The following ADGRL2 variants were observed in gnomAD, a reference collection of about 807,000 sequenced individuals.
ADGRL2 encodes the protein adhesion G protein-coupled receptor L2, also known as calcium-independent alpha-latrotoxin receptor 2.
A neutral mutation model predicts 157.4 loss-of-function variants in ADGRL2; 44 were observed. The ratio of observed to expected loss-of-function variants is 0.28; its 90% CI spans 0.22 to 0.36. ADGRL2 has a LOEUF of 0.36. ADGRL2 is among the 10% of genes least tolerant of loss of function. ADGRL2 has a pLI of 1.00. For missense variants in ADGRL2, 1,510 were observed against 1,768.9 expected (o/e 0.85, Z 2.63); for synonymous variants, 585 against 624.7 (o/e 0.94, Z 0.95).
chr1:81,405,217 T>C (rs1034867220), intron 1 of ADGRL2, among the ~76,000 whole-genome samples: 8 of 152,122 alleles, frequency 5.3e-5, no homozygotes, highest in Middle Eastern at 3.2e-3. Flanking sequence ...TCAGGGAAAG[T>C]CAATTTTACT....
intron 16 of ADGRL2, among the ~76,000 whole-genome samples, chr1:81,971,440 C>T (rs1156455134): frequency 6.6e-6 from 1 of 152,014 alleles, no homozygotes; most frequent in Non-Finnish European, 1.5e-5. Flanking sequence ...CTGTTAGGTT[C>T]CATAGGGTTA....
chr1:81,416,525 G>T (rs1301112131), intron 1 of ADGRL2, among the ~76,000 whole-genome samples: 1 of 152,234 alleles, frequency 6.6e-6, no homozygotes, highest in Non-Finnish European at 1.5e-5. Context: ...ACATGTAGTA[G>T]ATTAAATAAT....
intron 8 of ADGRL2, among the ~76,000 whole-genome samples, chr1:81,951,472 A>G (rs79911714): frequency 0.08 from 12,243 of 152,226 alleles, 575 homozygotes; most frequent in African/African-American, 0.14. Flanking sequence ...TATATCACAC[A>G]TGATTATGGT....
chr1:81,991,121 A>C lies in ADGRL2; in HGVS notation c.4386A>C (p.Gln1462His). 1.2e-6 allele frequency: 2 copies of C among 1,607,240 alleles called. No homozygotes were observed. The highest frequency in any genetic ancestry group is 8.5e-7 in the Non-Finnish European group (1 of 1,175,380). ...CIPEGDVREG[Q>H]MQLVTSL Reference sequence around the variant, plus strand: ...CAGAAGGAGATGTTAGAGAAGGACAAATGCAGCTGGTTACAAGTCTTTAAT... The same window carrying C: ...CAGAAGGAGATGTTAGAGAAGGACACATGCAGCTGGTTACAAGTCTTTAAT... Residue 1462 changes from glutamine to histidine, a missense_variant, in exon 24 of 24, where the codon CAA (glutamine) becomes CAC (histidine). By Grantham distance (24) the Gln-to-His change is conservative (BLOSUM62 0). Around this residue, in one of 4 missense-constraint regions of ADGRL2, gnomAD observed 327 missense variants for 310.1 expected, o/e 1.05. Transcript: ENST00000686636.
rs558436131 is a variant in ADGRL2, at chr1:81,739,937, T to G, written c.-142-21874T>G. On this transcript the variant is annotated intron_variant, in intron 1 of 20. Transcript: ENST00000359929. ...ACATACATGCACAAACACATAAATA[T>G]ACAAATGTACATGCATTTCTGAAGT... 2.0e-5 allele frequency among the ~76,000 whole-genome samples: 3 copies of G among 152,282 alleles called. No individual in the cohort carries two copies. The South Asian group carries it at 6.2e-4, about 32-fold the overall frequency.
At chr1:81,866,823 C>G (rs1159036659) in intron 2 of ADGRL2, among the ~76,000 whole-genome samples, 1 of 152,104 alleles carries the variant, frequency 6.6e-6, no homozygotes, top group Non-Finnish European at 1.5e-5. Context: ...GTATATCTTA[C>G]CCCAAAGAAA....
At chr1:81,509,615 T>C (rs1422613689) in intron 2 of ADGRL2, among the ~76,000 whole-genome samples, 5 of 152,192 alleles carry the variant, frequency 3.3e-5, no homozygotes, top group Non-Finnish European at 7.4e-5. Flanking sequence ...TGTTAGAAAC[T>C]GTTAAAAACA....
chr1:81,693,627 G>C (rs2083386358), intron 3 of ADGRL2, among the ~76,000 whole-genome samples: 1 of 152,166 alleles, frequency 6.6e-6, no homozygotes, highest in African/African-American at 2.4e-5. Flanking sequence ...TTTTGAGGTA[G>C]TTCAGCATGA....
chr1:81,779,047 T>C (rs1165489246), intron 2 of ADGRL2, among the ~76,000 whole-genome samples: 1 of 152,230 alleles, frequency 6.6e-6, no homozygotes, highest in Non-Finnish European at 1.5e-5. Context: ...TTATTTTGTC[T>C]TTCAATTTTT....
intron 2 of ADGRL2, among the ~76,000 whole-genome samples, chr1:81,535,081 C>T (rs1244393735): frequency 6.6e-6 from 1 of 152,152 alleles, no homozygotes; most frequent in African/African-American, 2.4e-5. Context: ...TTTAAAATAG[C>T]TGCTACTGAG....
chr1:81,371,200 C>T (rs1397760927), intron 1 of ADGRL2, among the ~76,000 whole-genome samples: 1 of 152,158 alleles, frequency 6.6e-6, no homozygotes, highest in Non-Finnish European at 1.5e-5. Context: ...CCACCTCACC[C>T]TTCTTATGCC....
At chr1:81,541,544 A>G (rs1390245217) in intron 2 of ADGRL2, among the ~76,000 whole-genome samples, 3 of 152,220 alleles carry the variant, frequency 2.0e-5, no homozygotes, top group Non-Finnish European at 4.4e-5. Context: ...GATGGCAAAC[A>G]TAGGGTGTTT....
At chr1:81,948,089 T>A (rs1650482168) in intron 6 of ADGRL2, among the ~76,000 whole-genome samples, 1 of 151,648 alleles carries the variant, frequency 6.6e-6, no homozygotes, top group South Asian at 2.1e-4. Context: ...TGGTGGTGGG[T>A]GCCTGTAGAC....
chr1:81,307,624 G>T (rs1221610001), intron 1 of ADGRL2, among the ~76,000 whole-genome samples: 1 of 152,072 alleles, frequency 6.6e-6, no homozygotes, highest in Non-Finnish European at 1.5e-5. Context: ...ATATAAGATA[G>T]AATTGAACAT....
At chr1:81,441,638 C>A (rs1285160005) in intron 1 of ADGRL2, among the ~76,000 whole-genome samples, 1 of 152,134 alleles carries the variant, frequency 6.6e-6, no homozygotes, top group Non-Finnish European at 1.5e-5. Context: ...TCAAGTGATT[C>A]TCCTGCCTCA....
At chr1:81,656,008 C>A (rs1331627643) in intron 3 of ADGRL2, among the ~76,000 whole-genome samples, 1 of 152,142 alleles carries the variant, frequency 6.6e-6, no homozygotes, top group Admixed American at 6.5e-5. Flanking sequence ...CTCATATGTA[C>A]CCATACTCCT....
chr1:81,722,571 C>A, intron 1 of ADGRL2: 3 of 1,489,416 alleles, frequency 2.0e-6, no homozygotes, highest in Admixed American at 1.7e-5. Context: ...GGAAAGCACA[C>A]AGACGCCTAG....
intron 2 of ADGRL2, among the ~76,000 whole-genome samples, chr1:81,570,075 C>T (rs1022225352): frequency 1.3e-5 from 2 of 152,108 alleles, no homozygotes; most frequent in Non-Finnish European, 2.9e-5. Context: ...GTCACAACAT[C>T]ATAGTCCCTC....
intron 1 of ADGRL2, among the ~76,000 whole-genome samples, chr1:81,740,726 G>T (rs2149220363): frequency 6.6e-6 from 1 of 152,230 alleles, no homozygotes; most frequent in South Asian, 2.1e-4. Context: ...CCATTTGGTG[G>T]GCTTTCTCCT....
Sources: allele counts gnomAD v4.1 joint callset (sites outside exome capture counted in the v4.1 genomes callset), GRCh38; gene constraint gnomAD v4.1.1; regional missense constraint gnomAD v4.1.1; transcripts MANE v1.5; gene names NCBI Gene and HGNC (gene_info 2026-07-23, HGNC 2026-07-21).